STXBP6: variants seen among roughly 807,000 people sequenced by gnomAD.
STXBP6 encodes syntaxin binding protein 6.
A neutral mutation model predicts 26.9 loss-of-function variants in STXBP6; 21 were observed. The observed-to-expected ratio is 0.78, with a 90% confidence interval of 0.55 to 1.12. The LOEUF is 1.12. Among genes scored for constraint, STXBP6 ranks in the 50% most tolerant of loss-of-function variants. STXBP6 has a pLI of 0.00. For missense variants in STXBP6, 232 were observed against 257.9 expected (o/e 0.90, Z 0.69); for synonymous variants, 97 against 92.6 (o/e 1.05, Z -0.27).
At chr14:24,962,283 G>T (rs2073568125) in intron 2 of STXBP6, among the ~76,000 whole-genome samples, 1 of 148,846 alleles carries the variant, frequency 6.7e-6, no homozygotes, top group Non-Finnish European at 1.5e-5. Context: ...CAAAGTACAA[G>T]ATATTTTATT....
intron 4 of STXBP6, 169 bp from the exon 5 acceptor site, chr14:24,819,363 C>T (rs182320567): frequency 3.7e-5 from 28 of 750,382 alleles, no homozygotes; most frequent in East Asian, 8.1e-5. Context: ...GTTTGACTGA[C>T]GCACTTGCAG....
chr14:24,842,411 A>T (rs1331352672), intron 4 of STXBP6, among the ~76,000 whole-genome samples: 2 of 152,018 alleles, frequency 1.3e-5, no homozygotes, highest in Non-Finnish European at 2.9e-5. Context: ...AATCCTAATA[A>T]TTGCTTTGTG....
intron 2 of STXBP6, among the ~76,000 whole-genome samples, chr14:24,923,448 T>C (rs1004572714): frequency 6.6e-6 from 1 of 152,222 alleles, no homozygotes; most frequent in African/African-American, 2.4e-5. Flanking sequence ...TCATGTTTCC[T>C]TACGAACTTG....
At chr14:25,019,289 T>C (rs1347411134) in intron 1 of STXBP6, among the ~76,000 whole-genome samples, 2 of 152,224 alleles carry the variant, frequency 1.3e-5, no homozygotes, top group East Asian at 1.9e-4. Flanking sequence ...CTAAAGGAAC[T>C]TGTGGATTGT....
intron 1 of STXBP6, among the ~76,000 whole-genome samples, chr14:25,002,643 G>C (rs2074792005): frequency 6.6e-6 from 1 of 152,040 alleles, no homozygotes; most frequent in African/African-American, 2.4e-5. Flanking sequence ...ACAGGTGTGA[G>C]CCACCATGCC....
intron 2 of STXBP6, among the ~76,000 whole-genome samples, chr14:24,919,421 GATAA>G (rs1196573869): frequency 6.7e-6 from 1 of 149,726 alleles, no homozygotes; most frequent in East Asian, 2.0e-4. Flanking sequence ...TTTAATAACT[GATAA>G]ATAAATGCGA....
At chr14:24,867,290 A>C (rs1248114681) in intron 2 of STXBP6, among the ~76,000 whole-genome samples, 2 of 152,180 alleles carry the variant, frequency 1.3e-5, no homozygotes, top group Non-Finnish European at 2.9e-5. Context: ...GCAGATACTG[A>C]AACTGCCAGT....
At chr14:24,900,783 C>T (rs1043408097) in intron 2 of STXBP6, among the ~76,000 whole-genome samples, 4 of 152,134 alleles carry the variant, frequency 2.6e-5, no homozygotes, top group African/African-American at 9.7e-5. Flanking sequence ...AAATGCCCTC[C>T]CCATCCAGGA....
chr14:24,975,177 T>C (rs1164978154), intron 1 of STXBP6, among the ~76,000 whole-genome samples: 1 of 152,204 alleles, frequency 6.6e-6, no homozygotes, highest in Non-Finnish European at 1.5e-5. Flanking sequence ...CAGTACCCAC[T>C]CTATTCCTGT....
At chr14:24,909,957 C>T (rs1295169009) in intron 2 of STXBP6, among the ~76,000 whole-genome samples, 3 of 151,778 alleles carry the variant, frequency 2.0e-5, no homozygotes, top group Non-Finnish European at 2.9e-5. Context: ...TAATTTGGGC[C>T]GTAGTTTCCT....
At chr14:24,920,346 C>A (rs927094902) in intron 2 of STXBP6, among the ~76,000 whole-genome samples, 3 of 151,926 alleles carry the variant, frequency 2.0e-5, no homozygotes, top group African/African-American at 7.3e-5. Context: ...TTTAATGGTT[C>A]TTTTCTGACA....
rs141187784 is a variant in STXBP6, at chr14:24,886,913, G to A, written c.155-29756C>T. On this transcript the variant is annotated intron_variant, in intron 2 of 5. Transcript: ENST00000323944. ...TTTCTTTCTTGAATCCAATCCACAG[G>A]TATTGAGCTATGCCTTCTACTTTCT... Among the ~76,000 whole-genome samples, 351 of 152,222 alleles carry A rather than the reference G, an allele frequency of 2.3e-3. 3 individuals carry two copies. Among genetic ancestry groups the A allele is most frequent in the African/African-American group, 7.9e-3 (327 of 41,536 alleles).
chr14:24,859,156 C>T (rs1355803785), intron 2 of STXBP6, among the ~76,000 whole-genome samples: 1 of 152,104 alleles, frequency 6.6e-6, no homozygotes, highest in Non-Finnish European at 1.5e-5. Context: ...CATGCAGGAA[C>T]CCCAACTATT....
chr14:25,027,511 C>A (rs545885368), intron 1 of STXBP6, among the ~76,000 whole-genome samples: 2 of 152,252 alleles, frequency 1.3e-5, no homozygotes, highest in East Asian at 3.9e-4. Context: ...TGAACTCTAT[C>A]AATAAATGTA....
At chr14:24,883,794 C>T (rs961078579) in intron 2 of STXBP6, among the ~76,000 whole-genome samples, 6 of 152,006 alleles carry the variant, frequency 3.9e-5, no homozygotes, top group Non-Finnish European at 5.9e-5. Flanking sequence ...GTGTTTAATC[C>T]CCCTGGGATT....
At chr14:24,992,718 CAT>C (rs1257395715) in intron 1 of STXBP6, among the ~76,000 whole-genome samples, 1 of 152,184 alleles carries the variant, frequency 6.6e-6, no homozygotes, top group Non-Finnish European at 1.5e-5. Context: ...CAATCAAGAA[CAT>C]ATGTATGTGC....
In STXBP6 at chr14:25,039,093, A is replaced by C. The variant is rs139962293; in HGVS notation, c.-33+10785T>G. On this transcript the variant is annotated intron_variant, in intron 1 of 5. Transcript: ENST00000323944. ...GCTTGATTTAGTCATTCTACAACAT[A>C]TACATATATCAAAACATCATGTTGT... Among the ~76,000 whole-genome samples, 726 of 152,358 alleles carry C rather than the reference A, an allele frequency of 4.8e-3. 4 individuals carry two copies. The highest frequency in any genetic ancestry group is 0.016 in the African/African-American group (650 of 41,582).
At position 24,809,955 on chromosome 14, in the gene STXBP6, C is replaced by T. The variant is rs918429492; in HGVS notation, c.*2754G>A. On this transcript the variant is annotated 3_prime_UTR_variant, in exon 6 of 6. Transcript: ENST00000323944. The stretch of plus-strand genomic sequence containing the variant: ...TTTTCACTGTAACTTAAGTCTAACA[C>T]GTAATCTGAACTTCTTCAGAGCTTG... The T allele has an allele frequency of 5.3e-5, 8 of 152,104 alleles. No individual in the cohort carries two copies. The highest frequency in any genetic ancestry group is 1.2e-4 in the Non-Finnish European group (8 of 68,014). 9.4% of individuals were successfully genotyped at this position (152,104 alleles called of 1,614,324 possible).
chr14:24,968,936 A>T (rs1363705644), intron 2 of STXBP6, among the ~76,000 whole-genome samples: 4 of 152,202 alleles, frequency 2.6e-5, no homozygotes, highest in Admixed American at 2.0e-4. Flanking sequence ...TTCAAAATAC[A>T]GATTAGCTTC....
Sources: allele counts gnomAD v4.1 joint callset (sites outside exome capture counted in the v4.1 genomes callset), GRCh38; gene constraint gnomAD v4.1.1; transcripts MANE v1.5; gene names NCBI Gene and HGNC (gene_info 2026-07-23, HGNC 2026-07-21).